The following VWC2 variants were observed in gnomAD, a reference collection of about 807,000 sequenced individuals.
The protein encoded by VWC2 is brorin.
VWC2 carries 14 observed loss-of-function variants against 29.8 expected under a neutral mutation model. That is an observed-to-expected ratio of 0.47 (90% CI 0.31 to 0.74). The LOEUF (loss-of-function observed/expected upper bound fraction) is 0.74. VWC2 is among the 30% of genes least tolerant of loss of function. The probability of loss-of-function intolerance (pLI) is 0.05; values close to 1 mark genes in which losing one functional copy is unlikely to be tolerated. For synonymous variants in VWC2, 213 were observed against 199.0 expected, an observed-to-expected ratio of 1.07 and a Z score of -0.59; for missense variants, 457 against 459.8, an observed-to-expected ratio of 0.99 and a Z score of 0.05.
At chr7:49,854,029 G>A (rs1790312067) in intron 3 of VWC2, among the ~76,000 whole-genome samples, 2 of 151,610 alleles carry the variant, frequency 1.3e-5, no homozygotes, top group East Asian at 1.9e-4. Context: ...CCATGTCCCT[G>A]CAAAGGACAT....
rs1290264783 is a variant in VWC2, at chr7:49,836,679, A to C, written c.826+33839A>C. Among the ~76,000 whole-genome samples the C allele has an allele frequency of 4.0e-5, 6 of 150,394 alleles. No individual in the cohort carries two copies. In the South Asian group the frequency reaches 1.3e-3, roughly 31 times the overall value. On this transcript the variant is annotated intron_variant, in intron 3 of 3. Coordinates refer to ENST00000340652, the MANE Select transcript of VWC2 (RefSeq NM_198570.5). ...AAATAAATAAATAAATAAATAAATA[A>C]ATACAAAAAATCTATACCTAGGTGT... is the stretch of plus-strand genomic sequence containing the variant.
rs191723038 is a variant in VWC2, at chr7:49,916,621, C to T, written c.*4436C>T. The T allele has an allele frequency of 6.6e-6, 1 of 152,166 alleles. No homozygotes were observed. The highest frequency in any genetic ancestry group is 2.4e-5 in the African/African-American group (1 of 41,438). 9.4% of individuals were successfully genotyped at this position (152,166 alleles called of 1,614,324 possible). A position where few individuals can be genotyped will look rare whatever the true frequency, so the allele number is the denominator to read the frequency against. On this transcript the variant is annotated 3_prime_UTR_variant, in exon 4 of 4. Transcript: ENST00000340652. Reference sequence around the variant, plus strand: ...CCTTTAGTTTGGGCTGTGAAATATTCAATTCCCAAAACATCACCCAATATC... The same window carrying T: ...CCTTTAGTTTGGGCTGTGAAATATTTAATTCCCAAAACATCACCCAATATC...
intron 2 of VWC2, among the ~76,000 whole-genome samples, chr7:49,788,339 C>T (rs1217000789): frequency 6.6e-6 from 1 of 152,170 alleles, no homozygotes; most frequent in East Asian, 1.9e-4. Flanking sequence ...CAAAGGCAGA[C>T]TGATGGGTGC....
chr7:49,775,426 G>GGGGGT lies in VWC2; in HGVS notation c.-10_-9insGGGGT. The GGGGGT allele has an allele frequency of 1.0e-6, 1 of 972,802 alleles. No individual in the cohort carries two copies. Among genetic ancestry groups the GGGGGT allele is most frequent in the Non-Finnish European group, 1.3e-6 (1 of 750,592 alleles). The allele number at this position is 972,802 out of a possible 1,614,324, so 60.3% of individuals were successfully genotyped here. Reference sequence around the variant, plus strand: ...TCCCCGCCCGCCCGCCCGCCGGGACGTGGTAGGGGATGCCCAGCTCCACTG... The same window carrying GGGGGT: ...TCCCCGCCCGCCCGCCCGCCGGGACGGGGGTTGGTAGGGGATGCCCAGCTCCACTG... On this transcript the variant is annotated 5_prime_UTR_variant, in exon 2 of 4. The change abolishes the stop of an existing upstream ORF in the 5' untranslated region. Transcript: ENST00000340652.
At chr7:49,862,300 C>CTT (rs147122195) in intron 3 of VWC2, among the ~76,000 whole-genome samples, 2 of 152,004 alleles carry the variant, frequency 1.3e-5, no homozygotes, top group African/African-American at 4.8e-5. Context: ...GAAAAACAGC[C>CTT]TTTTTTTGTG....
At chr7:49,885,836 T>G (rs541690205) in intron 3 of VWC2, among the ~76,000 whole-genome samples, 1 of 152,376 alleles carries the variant, frequency 6.6e-6, no homozygotes, top group African/African-American at 2.4e-5. Flanking sequence ...AAGCAGCAGC[T>G]GGCCGCTGCA....
At chr7:49,811,212 A>G (rs949937861) in intron 3 of VWC2, among the ~76,000 whole-genome samples, 4 of 152,224 alleles carry the variant, frequency 2.6e-5, no homozygotes, top group African/African-American at 7.2e-5. Context: ...AAGACAGTTC[A>G]GCAAAAGAGA....
chr7:49,877,480 AAATATATATATATATATATATAT>A lies in VWC2; in HGVS notation c.827-34552_827-34530del, dbSNP rs1416766327. ...TCTGTCTCAAAAAAAAAAAAAAAAA[AAATATATATATATATATATATAT>A]ATATATATATATATAGTTATTTGGT... On this transcript the variant is annotated intron_variant, in intron 3 of 3. Transcript: ENST00000340652. Among the ~76,000 whole-genome samples the A allele has an allele frequency of 2.1e-4, 5 of 23,524 alleles. 1 individual carries two copies. The highest frequency in any genetic ancestry group is 3.7e-4 in the Non-Finnish European group (5 of 13,582). 15.4% of individuals were successfully genotyped at this position (23,524 alleles called of 152,430 possible).
At chr7:49,872,551 A>T (rs1269293787) in intron 3 of VWC2, among the ~76,000 whole-genome samples, 3 of 152,082 alleles carry the variant, frequency 2.0e-5, no homozygotes, top group Admixed American at 2.0e-4. Context: ...ACACAAAAAA[A>T]TACAAAACAG....
chr7:49,828,000 G>A (rs1460353473), intron 3 of VWC2, among the ~76,000 whole-genome samples: 1 of 152,068 alleles, frequency 6.6e-6, no homozygotes, highest in African/African-American at 2.4e-5. Flanking sequence ...CCCAGAATGT[G>A]CCCTCATGCA....
At chr7:49,883,318 C>G (rs1274260035) in intron 3 of VWC2, among the ~76,000 whole-genome samples, 1 of 151,970 alleles carries the variant, frequency 6.6e-6, no homozygotes, top group Admixed American at 6.6e-5. Flanking sequence ...GCCGAGTTAG[C>G]AAGCTGCAAT....
intron 3 of VWC2, among the ~76,000 whole-genome samples, chr7:49,878,788 C>A (rs1024858839): frequency 6.6e-6 from 1 of 152,160 alleles, no homozygotes; most frequent in Non-Finnish European, 1.5e-5. Flanking sequence ...CAGGTGTGGG[C>A]AACCATGCCT....
chr7:49,778,850 C>A (rs1788108758), intron 2 of VWC2, among the ~76,000 whole-genome samples: 1 of 152,198 alleles, frequency 6.6e-6, no homozygotes, highest in African/African-American at 2.4e-5. Context: ...AAAAGGAAAG[C>A]ATTCTGTCTG....
chr7:49,797,876 C>A (rs1423315425), intron 2 of VWC2, among the ~76,000 whole-genome samples: 2 of 152,158 alleles, frequency 1.3e-5, no homozygotes, highest in East Asian at 3.9e-4. Flanking sequence ...TAAATTCTAT[C>A]CATGCAAAAC....
intron 3 of VWC2, among the ~76,000 whole-genome samples, chr7:49,837,243 A>G (rs1216872508): frequency 1.3e-5 from 2 of 152,262 alleles, no homozygotes; most frequent in Non-Finnish European, 2.9e-5. Context: ...TGTGAGACTC[A>G]ATGAACCATG....
chr7:49,872,915 CAAAAAAAA>C (rs61473396), intron 3 of VWC2, among the ~76,000 whole-genome samples: 10 of 33,946 alleles, frequency 2.9e-4, no homozygotes, highest in East Asian at 1.1e-3. Flanking sequence ...GACTTTGTCT[CAAAAAAAA>C]AAAAAAAAAA....
intron 3 of VWC2, among the ~76,000 whole-genome samples, chr7:49,898,579 TAC>T (rs952316198): frequency 6.6e-5 from 10 of 152,104 alleles, no homozygotes; most frequent in African/African-American, 1.2e-4. Flanking sequence ...CATATGTATA[TAC>T]ACACACACAT....
At chr7:49,788,980 TG>T (rs1788381012) in intron 2 of VWC2, among the ~76,000 whole-genome samples, 1 of 144,592 alleles carries the variant, frequency 6.9e-6, no homozygotes, top group Admixed American at 6.8e-5. Context: ...TGTGTGAGCA[TG>T]TGTGTGTGAG....
chr7:49,831,391 C>A (rs1789521018), intron 3 of VWC2, among the ~76,000 whole-genome samples: 1 of 152,116 alleles, frequency 6.6e-6, no homozygotes, highest in African/African-American at 2.4e-5. Context: ...CACTAGAATT[C>A]AGGAATGCTG....
Sources: allele counts gnomAD v4.1 joint callset (sites outside exome capture counted in the v4.1 genomes callset), GRCh38; gene constraint gnomAD v4.1.1; transcripts MANE v1.5; gene names NCBI Gene and HGNC (gene_info 2026-07-23, HGNC 2026-07-21).